GRHL2: variants seen among roughly 807,000 people sequenced by gnomAD.
The protein encoded by GRHL2 is grainyhead-like protein 2 homolog.
GRHL2 carries 21 observed loss-of-function variants against 83.8 expected under a neutral mutation model. The ratio of observed to expected loss-of-function variants is 0.25; its 90% CI spans 0.18 to 0.36. GRHL2 has a LOEUF of 0.36. Ranked by LOEUF, GRHL2 falls within the 10% of genes least tolerant of loss-of-function variation. The pLI is 1.00. For missense variants in GRHL2, 623 were observed against 781.8 expected, an observed-to-expected ratio of 0.80 and a Z score of 2.42; for synonymous variants, 280 against 278.9, an observed-to-expected ratio of 1.00 and a Z score of -0.04.
chr8:101,629,152 T>C (rs1319110121), intron 9 of GRHL2, among the ~76,000 whole-genome samples: 1 of 152,180 alleles, frequency 6.6e-6, no homozygotes, highest in Non-Finnish European at 1.5e-5. Flanking sequence ...AGTTAATTCA[T>C]GCATCAAACT....
chr8:101,557,222 T>TA (rs1726798690), intron 3 of GRHL2, among the ~76,000 whole-genome samples: 1 of 121,980 alleles, frequency 8.2e-6, no homozygotes. Context: ...GAATTAACAA[T>TA]ACTTTTTTTT....
downstream of GRHL2, among the ~76,000 whole-genome samples, chr8:101,669,951 G>C (rs117809609): frequency 3.8e-3 from 577 of 152,310 alleles, 9 homozygotes; most frequent in East Asian, 0.057. Context: ...GACCACGGCA[G>C]GCTCCCCAGG....
chr8:101,603,993 A>T (rs1034502877), intron 8 of GRHL2, among the ~76,000 whole-genome samples: 1 of 121,234 alleles, frequency 8.2e-6, no homozygotes, highest in Non-Finnish European at 1.6e-5. Context: ...CCAGCTTTTT[A>T]CTTCCCCTGT....
At chr8:101,647,817 G>A (rs1291548244) in intron 13 of GRHL2, among the ~76,000 whole-genome samples, 1 of 151,792 alleles carries the variant, frequency 6.6e-6, no homozygotes, top group East Asian at 1.9e-4. Context: ...GAAGCCACAT[G>A]CACCCGTGTA....
At chr8:101,578,153 C>G (rs1407411245) in intron 7 of GRHL2, among the ~76,000 whole-genome samples, 1 of 152,188 alleles carries the variant, frequency 6.6e-6, no homozygotes, top group Non-Finnish European at 1.5e-5. Context: ...CAATAATTCA[C>G]TGGGCATGAA....
intron 7 of GRHL2, among the ~76,000 whole-genome samples, chr8:101,583,691 TAACTA>T (rs1445671867): frequency 2.0e-5 from 3 of 152,216 alleles, no homozygotes; most frequent in Non-Finnish European, 2.9e-5. Context: ...TAAAAAAAGT[TAACTA>T]GACTAGATAT....
chr8:101,667,648 G>GTGTT lies in GRHL2; in HGVS notation c.*947_*950dup, dbSNP rs1298851937. On this transcript the variant is annotated 3_prime_UTR_variant, in exon 16 of 16. Transcript: ENST00000646743. ...GCCACCACGTTTATCTCACAATGAT[G>GTGTT]TGTTTTGCTTGACTTTCCCTTTGCG... 6.6e-6 allele frequency: 1 copy of GTGTT among 152,402 alleles called. No individual in the cohort carries two copies. Among genetic ancestry groups the GTGTT allele is most frequent in the Admixed American group, 6.5e-5 (1 of 15,288 alleles). 9.4% of individuals were successfully genotyped at this position (152,402 alleles called of 1,614,324 possible).
chr8:101,558,707 G>A lies in GRHL2; in HGVS notation c.573G>A (p.Gln191=), dbSNP rs1475590752. The change falls in exon 4 of 16, where the codon CAG becomes CAA. Residue 191 remains glutamine (Q), a synonymous_variant. Transcript: ENST00000646743. ...GAGTGGTTATCTTTGAACAGACTCA[G>A]TATGACGTGCCCTCGCTGGCCACCC... ...EQRVVIFEQT[Q]YDVPSLATHS... 7 of 1,614,176 alleles carry A rather than the reference G, an allele frequency of 4.3e-6. No individual in the cohort carries two copies. The highest frequency in any genetic ancestry group is 5.9e-6 in the Non-Finnish European group (7 of 1,180,036).
chr8:101,580,497 T>C (rs1387939748), intron 7 of GRHL2, among the ~76,000 whole-genome samples: 2 of 148,764 alleles, frequency 1.3e-5, no homozygotes, highest in East Asian at 2.0e-4. Context: ...TCAAGTGATC[T>C]GCCTGCCTCG....
At chr8:101,655,721 C>A (rs1813771660) in intron 14 of GRHL2, among the ~76,000 whole-genome samples, 1 of 152,158 alleles carries the variant, frequency 6.6e-6, no homozygotes, top group Admixed American at 6.5e-5. Flanking sequence ...ATCAATCAAG[C>A]CATCCACATA....
chr8:101,667,925 A>G lies in GRHL2; in HGVS notation c.*1222A>G, dbSNP rs981046064. ...CTGCTGCCATGTGAGAGCTGTGAAC[A>G]GCTCAGCTCTGAGTCGGCAGGCTGG... On this transcript the variant is annotated 3_prime_UTR_variant, in exon 16 of 16. Transcript: ENST00000646743. 1.1e-4 allele frequency: 17 copies of G among 152,790 alleles called. No individual in the cohort carries two copies. The highest frequency in any genetic ancestry group is 1.8e-4 in the Non-Finnish European group (12 of 68,156). 9.5% of individuals were successfully genotyped at this position (152,790 alleles called of 1,614,324 possible). A position where few individuals can be genotyped will look rare whatever the true frequency, so the allele number is the denominator to read the frequency against.
chr8:101,604,351 C>G (rs1163541571), intron 8 of GRHL2, among the ~76,000 whole-genome samples: 1 of 152,070 alleles, frequency 6.6e-6, no homozygotes, highest in African/African-American at 2.4e-5. Flanking sequence ...TGACATCACC[C>G]CCAGAGCAGA....
At chr8:101,580,017 G>A (rs1430500265) in intron 7 of GRHL2, among the ~76,000 whole-genome samples, 1 of 152,266 alleles carries the variant, frequency 6.6e-6, no homozygotes, top group East Asian at 1.9e-4. Flanking sequence ...CCGTGAAACT[G>A]GAGGTTAAAC....
At chr8:101,521,167 T>C (rs1351720361) in intron 1 of GRHL2, among the ~76,000 whole-genome samples, 1 of 152,122 alleles carries the variant, frequency 6.6e-6, no homozygotes, top group Non-Finnish European at 1.5e-5. Flanking sequence ...GGAGGAAATG[T>C]TGAGCAGAAG....
intron 1 of GRHL2, among the ~76,000 whole-genome samples, chr8:101,530,332 C>T (rs745374810): frequency 6.6e-6 from 1 of 152,186 alleles, no homozygotes; most frequent in African/African-American, 2.4e-5. Flanking sequence ...GGAAATCGGT[C>T]CTGCAGGCTT....
chr8:101,654,614 G>T (rs543930396), intron 14 of GRHL2, among the ~76,000 whole-genome samples: 26 of 152,322 alleles, frequency 1.7e-4, no homozygotes, highest in African/African-American at 5.8e-4. Flanking sequence ...TTGGCAATTG[G>T]TGGTGAAATG....
chr8:101,518,850 T>C (rs957649144), intron 1 of GRHL2, among the ~76,000 whole-genome samples: 1 of 152,216 alleles, frequency 6.6e-6, no homozygotes, highest in East Asian at 1.9e-4. Context: ...CTTCTGTCCA[T>C]GTTGGGAGGA....
At chr8:101,647,932 T>C (rs1892756) in intron 13 of GRHL2, among the ~76,000 whole-genome samples, 58,447 of 151,722 alleles carry the variant, frequency 0.39, 12,674 homozygotes, top group African/African-American at 0.58. Flanking sequence ...CATTTTCTAG[T>C]TTCAACTTTG....
chr8:101,608,659 T>C (rs796668194), intron 8 of GRHL2, among the ~76,000 whole-genome samples: 3 of 152,246 alleles, frequency 2.0e-5, no homozygotes, highest in African/African-American at 7.2e-5. Context: ...CTAATACATT[T>C]GATACCACTT....
Sources: allele counts gnomAD v4.1 joint callset (sites outside exome capture counted in the v4.1 genomes callset), GRCh38; gene constraint gnomAD v4.1.1; transcripts MANE v1.5; gene names NCBI Gene and HGNC (gene_info 2026-07-23, HGNC 2026-07-21).